Variants in ABCA4 observed in about 807,000 individuals in gnomAD.
ABCA4 encodes ATP binding cassette subfamily A member 4.
In ABCA4, 196 loss-of-function variants were observed where a neutral mutation model predicts 263.7. The observed-to-expected ratio is 0.74, with a 90% CI of 0.66 to 0.84. The LOEUF is 0.84. Ranked by LOEUF, ABCA4 falls within the 40% of genes least tolerant of loss-of-function variation. ABCA4 has a pLI of 0.00. For synonymous variants in ABCA4, 1,133 were observed against 1,094.2 expected, an observed-to-expected ratio of 1.04 and a Z score of -0.70; for missense variants, 2,792 against 2,855.1, an observed-to-expected ratio of 0.98 and a Z score of 0.50.
chr1:94,074,193 G>C (rs959300547), intron 11 of ABCA4, among the ~76,000 whole-genome samples: 37 of 152,110 alleles, frequency 2.4e-4, no homozygotes, highest in African/African-American at 8.7e-4. Flanking sequence ...CAGAACAGAG[G>C]CTTCAGAAAT....
Position 94,021,884 on chromosome 1 carries a change from AC to A in ABCA4, c.4734del (p.Leu1580Ter). The A allele has an allele frequency of 6.2e-7, 1 of 1,614,078 alleles. No individual in the cohort carries two copies. Among genetic ancestry groups the A allele is most frequent in the South Asian group, 1.1e-5 (1 of 91,074 alleles). ...ATGATCCGGCCAAGGTCGCTTAAAA[AC>A]CCAACAAGTGCTTCCCCCGTGATGG... Reference protein sequence around the residue: ...VVPITGEALVGFLSDLGRIMN... With the variant: ...VVPITGEALVXFLSDLGRIMN... On this transcript the variant is annotated frameshift_variant, in exon 33 of 50. Coordinates refer to ENST00000370225, the MANE Select transcript of ABCA4 (RefSeq NM_000350.3). LOFTEE classifies it high-confidence loss of function.
At position 93,999,107 on chromosome 1, in the gene ABCA4, G is replaced by A. The variant is rs1261333986; in HGVS notation, c.6480-997C>T. ...TTCACCCAGGCTGGAGTGCAGTGGTGTGATCTCGATTCACTGCAACCTCTG... is the reference window on the plus strand; with the variant it reads ...TTCACCCAGGCTGGAGTGCAGTGGTATGATCTCGATTCACTGCAACCTCTG... On this transcript the variant is annotated intron_variant, in intron 47 of 49. Transcript: ENST00000370225. 2.0e-5 allele frequency among the ~76,000 whole-genome samples: 3 copies of A among 152,056 alleles called. No homozygotes were observed. The East Asian group carries it at 5.8e-4, about 29-fold the overall frequency.
At chr1:94,099,244 G>A (rs1183033981) in intron 5 of ABCA4, among the ~76,000 whole-genome samples, 1 of 152,226 alleles carries the variant, frequency 6.6e-6, no homozygotes, top group Non-Finnish European at 1.5e-5. Flanking sequence ...CATGTGATGT[G>A]AGAAAGACTT....
chr1:94,043,645 T>C (rs1298229070), intron 20 of ABCA4, among the ~76,000 whole-genome samples, 170 bp from the exon 21 acceptor site: 3 of 152,168 alleles, frequency 2.0e-5, no homozygotes, highest in Non-Finnish European at 4.4e-5. Context: ...AAATATCTAA[T>C]AAGAGGATGG....
chr1:94,063,208 T>C lies in ABCA4; in HGVS notation c.1664A>G (p.Asp555Gly), dbSNP rs1179239331. ...NMFWAGVVFP[D>G]MYPWTSSLPP... ...TAGAGAGCTGGTCCAGGGATACATG[T>C]CAGGGAATACCACTCCGGCCCAGAA... The change falls in exon 12 of 50, where the codon GAC (aspartate) becomes GGC (glycine). Residue 555 changes from aspartate to glycine, a missense_variant. Physicochemically the swap from Asp to Gly is moderately conservative, Grantham distance 94 (BLOSUM62 -1). Transcript: ENST00000370225. 6.2e-7 allele frequency: 1 copy of C among 1,614,104 alleles called. No homozygotes were observed. Among genetic ancestry groups the C allele is most frequent in the Admixed American group, 1.7e-5 (1 of 60,016 alleles).
intron 49 of ABCA4, among the ~76,000 whole-genome samples, chr1:93,993,462 G>A (rs1658922371): frequency 6.6e-6 from 1 of 151,760 alleles, no homozygotes; most frequent in African/African-American, 2.4e-5. Context: ...CCAGGCATTT[G>A]TTACAAAGAC....
chr1:94,108,702 T>A lies in ABCA4; in HGVS notation c.317A>T (p.Tyr106Phe), dbSNP rs201150919. The change falls in exon 4 of 50, where the codon TAT becomes TTT. Residue 106 changes from tyrosine to phenylalanine, a missense_variant. Tyr to Phe is a conservative substitution (Grantham distance 22). Transcript: ENST00000370225. ...NYNNSILARV[Y>F]RDFQELLMNA... is the part of the protein sequence containing the mutation. Reference sequence around the variant, plus strand: ...CATGAGGAGTTCTTGAAAATCTCGATATACCCTTGCCAAGCTGTAAGGACA... The same window carrying A: ...CATGAGGAGTTCTTGAAAATCTCGAAATACCCTTGCCAAGCTGTAAGGACA... 6.1e-4 allele frequency: 991 copies of A among 1,614,004 alleles called. 2 individuals are homozygous for A. The highest frequency in any genetic ancestry group is 1.7e-3 in the East Asian group (76 of 44,880).
At chr1:94,114,616 A>C (rs1662702464) in intron 1 of ABCA4, among the ~76,000 whole-genome samples, 1 of 152,048 alleles carries the variant, frequency 6.6e-6, no homozygotes, top group Non-Finnish European at 1.5e-5. Context: ...CCTCCTGAGT[A>C]GCTGGGACTG....
At chr1:94,118,398 A>G (rs1201687309) in intron 1 of ABCA4, among the ~76,000 whole-genome samples, 1 of 152,222 alleles carries the variant, frequency 6.6e-6, no homozygotes, top group Non-Finnish European at 1.5e-5. Context: ...TACAGGAGAC[A>G]TGGAGGTTTG....
chr1:94,051,318 G>T (rs903826878), intron 17 of ABCA4, among the ~76,000 whole-genome samples: 1 of 152,220 alleles, frequency 6.6e-6, no homozygotes, highest in Non-Finnish European at 1.5e-5. Flanking sequence ...ATACTGAAAA[G>T]CTGCAAAAGT....
intron 49 of ABCA4, 135 bp from the exon 50 acceptor site, chr1:93,993,377 G>T: frequency 9.1e-7 from 1 of 1,102,208 alleles, no homozygotes; most frequent in Non-Finnish European, 1.4e-6. Context: ...GATTCTGTCA[G>T]ATCACCCAGG....
intron 26 of ABCA4, 73 bp from the exon 27 acceptor site, chr1:94,032,116 TC>T (rs1660223446): frequency 6.4e-7 from 1 of 1,556,394 alleles, no homozygotes; most frequent in Admixed American, 1.7e-5. Flanking sequence ...ATTTTTTTTT[TC>T]CCTTACAGCA....
intron 23 of ABCA4, 55 bp downstream of exon 23, chr1:94,041,154 G>A (rs1167414000): frequency 6.9e-6 from 11 of 1,588,586 alleles, no homozygotes; most frequent in Non-Finnish European, 8.6e-6. Context: ...TGGCAGCCCC[G>A]TGCTGTGTGC....
At chr1:94,088,699 G>A (rs1661896936) in intron 6 of ABCA4, among the ~76,000 whole-genome samples, 1 of 152,168 alleles carries the variant, frequency 6.6e-6, no homozygotes, top group South Asian at 2.1e-4. Context: ...GGTAGGATGA[G>A]CCCTTAGATA....
chr1:94,025,320 A>G (rs1164702561), intron 30 of ABCA4, among the ~76,000 whole-genome samples: 1 of 152,138 alleles, frequency 6.6e-6, no homozygotes, highest in African/African-American at 2.4e-5. Context: ...CAATACTGCC[A>G]CGCTACCCAA....
At position 93,993,120 on chromosome 1, in the gene ABCA4, C is replaced by A; in HGVS notation, c.*117G>T. 7.3e-7 allele frequency: 1 copy of A among 1,366,330 alleles called. No homozygotes were observed. The highest frequency in any genetic ancestry group is 1.0e-6 in the Non-Finnish European group (1 of 963,538). The allele number at this position is 1,366,330 out of a possible 1,614,324, so 84.6% of individuals were successfully genotyped here. On this transcript the variant is annotated 3_prime_UTR_variant, in exon 50 of 50. Transcript: ENST00000370225. ...ATGCTCCTCGTGTGTTTGTTTTCTG[C>A]TGCAGTGGGGTCATTTACGCTGGCC... is the stretch of plus-strand genomic sequence containing the variant.
intron 7 of ABCA4, 84 bp downstream of exon 7, chr1:94,083,268 A>C: frequency 8.2e-7 from 1 of 1,215,208 alleles, no homozygotes; most frequent in South Asian, 1.2e-5. Context: ...ACAGGTTTGA[A>C]ATACAATTAA....
At chr1:94,111,981 T>G (rs931823102) in intron 2 of ABCA4, among the ~76,000 whole-genome samples, 23 of 152,314 alleles carry the variant, frequency 1.5e-4, no homozygotes, top group African/African-American at 4.6e-4. Flanking sequence ...ACCCCAAGCA[T>G]GCAGTAGGGC....
At position 94,081,856 on chromosome 1, in the gene ABCA4, C is replaced by T. The variant is rs140651173; in HGVS notation, c.859-1138G>A. ...TGCCAGTAGCTTGGCTCCCATAATG[C>T]CATTTGGCTTTGCTTTAGGGGAAAA... On this transcript the variant is annotated intron_variant, in intron 7 of 49. Coordinates refer to ENST00000370225, the MANE Select transcript of ABCA4 (RefSeq NM_000350.3). Among the ~76,000 whole-genome samples the T allele has an allele frequency of 3.4e-3, 511 of 152,264 alleles. 3 individuals carry two copies. The highest frequency in any genetic ancestry group is 0.012 in the African/African-American group (488 of 41,550).
Sources: allele counts gnomAD v4.1 joint callset (sites outside exome capture counted in the v4.1 genomes callset), GRCh38; gene constraint gnomAD v4.1.1; transcripts MANE v1.5; gene names NCBI Gene and HGNC (gene_info 2026-07-23, HGNC 2026-07-21).